Variants in KDELR2 observed in about 807,000 individuals in gnomAD.
KDELR2 encodes the protein ER lumen protein-retaining receptor 2.
Under a neutral mutation model 23.9 loss-of-function variants are expected in KDELR2, and 15 were observed. The ratio of observed to expected loss-of-function variants is 0.63; its 90% CI spans 0.42 to 0.97. KDELR2 has a LOEUF of 0.97. Among genes scored for constraint, KDELR2 ranks in the 50% least tolerant of loss-of-function variants. The pLI is 0.00. For synonymous variants in KDELR2, 119 were observed against 106.2 expected, an observed-to-expected ratio of 1.12 and a Z score of -0.74; for missense variants, 272 against 254.6, an observed-to-expected ratio of 1.07 and a Z score of -0.46.
chr7:6,479,481 T>C (rs1785838343), intron 1 of KDELR2, among the ~76,000 whole-genome samples: 1 of 151,282 alleles, frequency 6.6e-6, no homozygotes, highest in Non-Finnish European at 1.5e-5. Context: ...TTTTTGTTTG[T>C]TTGTTTGATT....
chr7:6,481,977 A>G (rs1397780770), intron 1 of KDELR2, among the ~76,000 whole-genome samples: 11 of 718 alleles, frequency 0.015, no homozygotes, highest in Non-Finnish European at 0.067. Flanking sequence ...TCGTTTATTT[A>G]TTTATTTATT....
At chr7:6,479,535 T>C (rs1179078697) in intron 1 of KDELR2, among the ~76,000 whole-genome samples, 2 of 152,002 alleles carry the variant, frequency 1.3e-5, no homozygotes, top group African/African-American at 4.8e-5. Flanking sequence ...TGGAGTGCAG[T>C]GCACAGTCTC....
chr7:6,481,166 C>T (rs766256906), intron 1 of KDELR2, among the ~76,000 whole-genome samples: 7 of 152,054 alleles, frequency 4.6e-5, no homozygotes, highest in East Asian at 1.9e-4. Context: ...GTCAGGAGAC[C>T]GAGACCAGCC....
At position 6,474,300 on chromosome 7, in the gene KDELR2, G is replaced by A. The variant is rs1195170326; in HGVS notation, c.92-16C>T. 1.3e-6 allele frequency: 2 copies of A among 1,560,712 alleles called. No individual in the cohort carries two copies. The highest frequency in any genetic ancestry group is 1.4e-5 in the African/African-American group (1 of 73,924). On this transcript the variant is annotated splice_polypyrimidine_tract_variant and intron_variant, in intron 1 of 4. Coordinates refer to ENST00000258739, the MANE Select transcript of KDELR2 (RefSeq NM_006854.4). ...CCAGAAATACCTAGAGAAACAGAAG[G>A]GAAGTATTAGAAGGGCCTGAAGAGC...
chr7:6,481,969 GTTTA>G (rs66801708), intron 1 of KDELR2, among the ~76,000 whole-genome samples: 3,186 of 147,288 alleles, frequency 0.022, 103 homozygotes, highest in East Asian at 0.16. Flanking sequence ...TCCTAAGGTC[GTTTA>G]TTTATTTATT....
chr7:6,474,043 G>GA, intron 2 of KDELR2, 141 bp downstream of exon 2: 1 of 578,086 alleles, frequency 1.7e-6, no homozygotes, highest in Non-Finnish European at 3.0e-6. Flanking sequence ...AAGGTGGTCT[G>GA]AAAGTTTTAA....
At chr7:6,481,106 T>C (rs966523582) in intron 1 of KDELR2, among the ~76,000 whole-genome samples, 7 of 152,134 alleles carry the variant, frequency 4.6e-5, no homozygotes, top group Non-Finnish European at 1.0e-4. Flanking sequence ...CGCAGTGGCT[T>C]ACGCCTGTAA....
chr7:6,478,549 G>A (rs1032002767), intron 1 of KDELR2, among the ~76,000 whole-genome samples: 1 of 151,884 alleles, frequency 6.6e-6, no homozygotes, highest in South Asian at 2.1e-4. Flanking sequence ...TTTTCAGCTG[G>A]GTTTTTATTT....
Position 6,462,879 on chromosome 7 carries a change from C to T in KDELR2, c.*262G>A. 1.7e-6 allele frequency: 2 copies of T among 1,143,188 alleles called. No homozygotes were observed. The highest frequency in any genetic ancestry group is 1.6e-5 in the African/African-American group (1 of 63,728). The allele number at this position is 1,143,188 out of a possible 1,614,324, so 70.8% of individuals were successfully genotyped here. On this transcript the variant is annotated 3_prime_UTR_variant, in exon 5 of 5. Coordinates refer to ENST00000258739, the MANE Select transcript of KDELR2 (RefSeq NM_006854.4). ...TTTGGAACTATCCCAATTGAAGCTA[C>T]ACACTGAATTTATTAATACAGCATT...
In KDELR2 at chr7:6,461,643, T is replaced by C. The variant is rs1197154848; in HGVS notation, c.*1498A>G. On this transcript the variant is annotated 3_prime_UTR_variant, in exon 5 of 5. Transcript: ENST00000258739. ...TAAACTATGCAGTTACACTGCCGATTTAGAAAGATGTTAAGACACACACTA... is the reference window on the plus strand; with the variant it reads ...TAAACTATGCAGTTACACTGCCGATCTAGAAAGATGTTAAGACACACACTA... 6.6e-6 allele frequency: 1 copy of C among 151,066 alleles called. No homozygotes were observed. Among genetic ancestry groups the C allele is most frequent in the Admixed American group, 6.7e-5 (1 of 15,000 alleles). The allele number at this position is 151,066 out of a possible 1,614,324, so 9.4% of individuals were successfully genotyped here.
Position 6,466,304 on chromosome 7 carries a change from A to AT in KDELR2, c.370dup (p.Ile124AsnfsTer50). 1 of 1,614,018 alleles carries AT rather than the reference A, an allele frequency of 6.2e-7. No individual in the cohort carries two copies. Among genetic ancestry groups the AT allele is most frequent in the South Asian group, 1.1e-5 (1 of 91,058 alleles). On this transcript the variant is annotated frameshift_variant, in exon 4 of 5. Transcript: ENST00000258739. LOFTEE classifies it high-confidence loss of function. The stretch of plus-strand genomic sequence containing the variant: ...AAGGATAGCCACGGACTCCAGGTAG[A>AT]TGGAGAAGGTCCAGAGGATCTGGAA...
intron 3 of KDELR2, among the ~76,000 whole-genome samples, chr7:6,468,674 T>C (rs948178816): frequency 6.6e-6 from 1 of 151,700 alleles, no homozygotes; most frequent in Non-Finnish European, 1.5e-5. Context: ...CCCAGCTAGT[T>C]TTTTGTATTT....
chr7:6,476,182 A>G (rs868666365), intron 1 of KDELR2, among the ~76,000 whole-genome samples: 1 of 152,254 alleles, frequency 6.6e-6, no homozygotes, highest in Non-Finnish European at 1.5e-5. Context: ...TCTCAGATGA[A>G]TAACTGTAGT....
chr7:6,463,306 G>C, intron 4 of KDELR2, 131 bp from the exon 5 acceptor site: 1 of 686,720 alleles, frequency 1.5e-6, no homozygotes, highest in Non-Finnish European at 2.4e-6. Context: ...ATAAGCAATT[G>C]TATTTTAAAA....
intron 1 of KDELR2, among the ~76,000 whole-genome samples, chr7:6,478,891 C>T (rs1342427280): frequency 2.6e-5 from 4 of 151,866 alleles, no homozygotes; most frequent in South Asian, 2.1e-4. Flanking sequence ...TGGGTTCAAG[C>T]AATTCTCCTG....
chr7:6,465,513 T>C (rs985157930), intron 4 of KDELR2, among the ~76,000 whole-genome samples: 1 of 151,936 alleles, frequency 6.6e-6, no homozygotes, highest in Non-Finnish European at 1.5e-5. Flanking sequence ...ACAAGGATGA[T>C]AGCTTTCATC....
At chr7:6,469,908 T>G (rs377258149) in intron 2 of KDELR2, 154 bp from the exon 3 acceptor site, 57 of 627,126 alleles carry the variant, frequency 9.1e-5, no homozygotes, top group East Asian at 6.3e-4. Context: ...AAAATTCTCT[T>G]TTTTGGAGGT....
chr7:6,465,572 A>T (rs1016564777), intron 4 of KDELR2, among the ~76,000 whole-genome samples: 3 of 152,218 alleles, frequency 2.0e-5, no homozygotes, highest in African/African-American at 4.8e-5. Flanking sequence ...ATGCAAAAAC[A>T]CATATACACA....
chr7:6,477,463 T>C (rs1191003732), intron 1 of KDELR2, among the ~76,000 whole-genome samples: 2 of 152,186 alleles, frequency 1.3e-5, no homozygotes, highest in African/African-American at 4.8e-5. Context: ...TCTCTCCACT[T>C]TGAGATCAAA....
Sources: gnomAD v4.1 joint callset for allele counts (sites outside exome capture counted in the v4.1 genomes callset) on GRCh38, gnomAD v4.1.1 for gene constraint, MANE v1.5 for transcripts, NCBI Gene and HGNC (gene_info 2026-07-23, HGNC 2026-07-21) for gene names.